MARCHF1: variants seen among roughly 807,000 people sequenced by gnomAD.
The protein encoded by MARCHF1 is E3 ubiquitin-protein ligase MARCHF1.
MARCHF1 carries 40 observed loss-of-function variants against 54.2 expected under a neutral mutation model. The ratio of observed to expected loss-of-function variants is 0.74; its 90% CI spans 0.57 to 0.96. MARCHF1 has a LOEUF of 0.96. Among genes scored for constraint, MARCHF1 ranks in the 40% least tolerant of loss-of-function variants. MARCHF1 has a pLI of 0.00. For synonymous variants in MARCHF1, 236 were observed against 236.3 expected, an observed-to-expected ratio of 1.00 and a Z score of 0.01; for missense variants, 586 against 656.5, an observed-to-expected ratio of 0.89 and a Z score of 1.17.
chr4:164,081,207 CAAAAAAAAAAAAAAAA>C (rs60753810), intron 2 of MARCHF1, among the ~76,000 whole-genome samples: 5 of 18,406 alleles, frequency 2.7e-4, no homozygotes, highest in South Asian at 5.3e-3. Flanking sequence ...GACGCTGTCT[CAAAAAAAAAAAAAAAA>C]AAAAAAAAAA....
chr4:163,771,510 T>C (rs1364722522), intron 4 of MARCHF1, among the ~76,000 whole-genome samples: 3 of 152,170 alleles, frequency 2.0e-5, no homozygotes, highest in African/African-American at 7.2e-5. Flanking sequence ...CACCATCTTT[T>C]TGCTGTATCT....
At chr4:163,834,471 CTTTAAG>C (rs1419117481) in intron 4 of MARCHF1, among the ~76,000 whole-genome samples, 1 of 151,824 alleles carries the variant, frequency 6.6e-6, no homozygotes, top group Non-Finnish European at 1.5e-5. Context: ...TATTATTATA[CTTTAAG>C]TTTTAGGGTA....
rs140906526 is a variant in MARCHF1, at chr4:163,946,453, C to T, written c.-39+42048G>A. Among the ~76,000 whole-genome samples, 45 of 152,130 alleles carry T rather than the reference C, an allele frequency of 3.0e-4. No individual in the cohort carries two copies. The East Asian group carries it at 8.5e-3, about 29-fold the overall frequency. Reference sequence around the variant, plus strand: ...AATCTTTTTAAAAATAAATTTTATACCTTGGTCTATTGTATTTTTGCACCT... The same window carrying T: ...AATCTTTTTAAAAATAAATTTTATATCTTGGTCTATTGTATTTTTGCACCT... On this transcript the variant is annotated intron_variant, in intron 3 of 9. Transcript: ENST00000514618.
intron 4 of MARCHF1, among the ~76,000 whole-genome samples, chr4:163,826,103 C>T (rs1454342762): frequency 6.6e-6 from 1 of 151,944 alleles, no homozygotes; most frequent in Non-Finnish European, 1.5e-5. Context: ...TGATAAATAA[C>T]ATTGTTTTAG....
intron 4 of MARCHF1, among the ~76,000 whole-genome samples, chr4:163,819,902 G>C (rs1265726201): frequency 6.6e-6 from 1 of 151,994 alleles, no homozygotes; most frequent in African/African-American, 2.4e-5. Flanking sequence ...TGATTCCTTT[G>C]CAGAATTACA....
intron 3 of MARCHF1, among the ~76,000 whole-genome samples, chr4:163,964,848 T>A (rs191112545): frequency 1.4e-4 from 21 of 152,138 alleles, no homozygotes; most frequent in African/African-American, 5.1e-4. Context: ...TAAATGATCA[T>A]CTTTGAGCTT....
At chr4:164,308,979 G>C (rs899207408) in intron 1 of MARCHF1, among the ~76,000 whole-genome samples, 1 of 145,930 alleles carries the variant, frequency 6.9e-6, no homozygotes, top group Admixed American at 6.8e-5. Context: ...AAAAAAAAAA[G>C]AAAGAGAAAG....
chr4:164,309,784 GACTAA>G (rs1243083413), intron 1 of MARCHF1, among the ~76,000 whole-genome samples: 1 of 152,058 alleles, frequency 6.6e-6, no homozygotes, highest in Non-Finnish European at 1.5e-5. Context: ...AGGGCAAAAG[GACTAA>G]ACTAGACAAT....
At chr4:164,039,542 T>G (rs1408875299) in intron 2 of MARCHF1, among the ~76,000 whole-genome samples, 1 of 152,120 alleles carries the variant, frequency 6.6e-6, no homozygotes, top group Non-Finnish European at 1.5e-5. Context: ...ATTTATACTG[T>G]CAAAGGGACC....
chr4:164,095,695 T>C (rs1180754139), intron 2 of MARCHF1, among the ~76,000 whole-genome samples: 1 of 151,930 alleles, frequency 6.6e-6, no homozygotes, highest in Non-Finnish European at 1.5e-5. Context: ...ATTCTAAAAG[T>C]AAAAAGAAAA....
At chr4:163,551,930 T>G (rs978722462) in intron 8 of MARCHF1, among the ~76,000 whole-genome samples, 1 of 152,282 alleles carries the variant, frequency 6.6e-6, no homozygotes. Flanking sequence ...CAGTCTCAGG[T>G]ATGTCTTTAT....
chr4:164,252,409 AAGACACAC>A (rs1185140903), intron 1 of MARCHF1, among the ~76,000 whole-genome samples: 3 of 152,170 alleles, frequency 2.0e-5, no homozygotes, highest in African/African-American at 7.2e-5. Flanking sequence ...GGAATGAGAG[AAGACACAC>A]AGAAAGCTTC....
At chr4:164,149,792 G>A (rs1039093292) in intron 1 of MARCHF1, among the ~76,000 whole-genome samples, 1 of 152,108 alleles carries the variant, frequency 6.6e-6, no homozygotes, top group East Asian at 1.9e-4. Context: ...AAATTTAAAT[G>A]GTTTGAGGTG....
intron 1 of MARCHF1, among the ~76,000 whole-genome samples, chr4:164,131,151 A>G (rs1170683446): frequency 2.0e-5 from 3 of 152,098 alleles, no homozygotes; most frequent in Non-Finnish European, 2.9e-5. Flanking sequence ...CTCCAAATTA[A>G]TGAAAACAAG....
At chr4:164,196,399 T>A (rs1731259810) in intron 1 of MARCHF1, among the ~76,000 whole-genome samples, 1 of 151,562 alleles carries the variant, frequency 6.6e-6, no homozygotes, top group African/African-American at 2.4e-5. Flanking sequence ...ATCATTGTTT[T>A]AATAAATAAA....
intron 1 of MARCHF1, among the ~76,000 whole-genome samples, chr4:164,246,445 T>A (rs1174118313): frequency 1.9e-5 from 1 of 51,458 alleles, no homozygotes; most frequent in Non-Finnish European, 5.1e-5. Context: ...TATACAAAAA[T>A]CAGTTCAAGA....
chr4:164,012,805 G>C (rs1212920066), intron 2 of MARCHF1, among the ~76,000 whole-genome samples: 1 of 152,108 alleles, frequency 6.6e-6, no homozygotes, highest in Non-Finnish European at 1.5e-5. Flanking sequence ...GGAGGCGACA[G>C]GATTTGCACC....
chr4:163,975,710 AG>A (rs1262392811), intron 3 of MARCHF1, among the ~76,000 whole-genome samples: 1 of 152,228 alleles, frequency 6.6e-6, no homozygotes, highest in East Asian at 1.9e-4. Flanking sequence ...AAGGATCTTA[AG>A]AGCATCTCTG....
chr4:163,720,480 C>A (rs1160100938), intron 4 of MARCHF1, among the ~76,000 whole-genome samples: 2 of 152,006 alleles, frequency 1.3e-5, no homozygotes, highest in African/African-American at 4.8e-5. Flanking sequence ...CGGCTTTGTT[C>A]TTTTGGCTTA....
Sources: allele counts gnomAD v4.1 joint callset (sites outside exome capture counted in the v4.1 genomes callset), GRCh38; gene constraint gnomAD v4.1.1; transcripts MANE v1.5; gene names NCBI Gene and HGNC (gene_info 2026-07-23, HGNC 2026-07-21).